The following IRF5 variants were observed in gnomAD, a reference collection of about 807,000 sequenced individuals.
IRF5 encodes interferon regulatory factor 5.
Under a neutral mutation model 55.1 loss-of-function variants are expected in IRF5, and 24 were observed. That is an observed-to-expected ratio of 0.44 (90% CI 0.32 to 0.61). IRF5 has a LOEUF of 0.61. Among genes scored for constraint, IRF5 ranks in the 20% least tolerant of loss-of-function variants. IRF5 has a pLI of 0.07. For synonymous variants in IRF5, 258 were observed against 260.2 expected (o/e 0.99, Z 0.08); for missense variants, 499 against 658.5 (o/e 0.76, Z 2.65).
rs1315699521 is a variant in IRF5 at position 128,949,408 on chromosome 7, TTAC to T, written c.*597_*599del. The T allele has an allele frequency of 6.6e-6, 1 of 152,376 alleles. No homozygotes were observed. 9.4% of individuals were successfully genotyped at this position (152,376 alleles called of 1,614,324 possible). On this transcript the variant is annotated 3_prime_UTR_variant, in exon 9 of 9. Transcript: ENST00000357234. Reference sequence around the variant, plus strand: ...AACAGACTCAGCTGTTTCTTTCCTTTTACTACTACCAGTTGCTCCCATGCTGCT... The same window carrying T: ...AACAGACTCAGCTGTTTCTTTCCTTTTACTACCAGTTGCTCCCATGCTGCT...
intron 2 of IRF5, among the ~76,000 whole-genome samples, chr7:128,945,550 T>C (rs1796253064): frequency 2.6e-5 from 4 of 152,178 alleles, no homozygotes; most frequent in Admixed American, 2.6e-4. Context: ...TCCAGGGTGC[T>C]CACCCTTATC....
chr7:128,946,616 C>G lies in IRF5; in HGVS notation c.447+54C>G. ...GCCCTGGACGAGCTCTCTGCTGTCC[C>G]CATCGGCCTTAGGTTTCCGCAGCCC... On this transcript the variant is annotated intron_variant, in intron 4 of 8. Transcript: ENST00000357234. The surrounding 1 kb of genome is among the most constrained non-coding windows in gnomAD (Gnocchi z 4.2). The G allele has an allele frequency of 8.0e-7, 1 of 1,254,276 alleles. No homozygotes were observed. The highest frequency in any genetic ancestry group is 1.1e-6 in the Non-Finnish European group (1 of 877,154). The allele number at this position is 1,254,276 out of a possible 1,614,324, so 77.7% of individuals were successfully genotyped here. A position where few individuals can be genotyped will look rare whatever the true frequency, so the allele number is the denominator to read the frequency against.
chr7:128,945,746 G>A (rs1301229572), intron 2 of IRF5, 99 bp from the exon 3 acceptor site: 3 of 1,216,800 alleles, frequency 2.5e-6, no homozygotes, highest in South Asian at 1.5e-5. Context: ...TGTAGCCGAA[G>A]TTCTCCCCAC....
chr7:128,940,626 G>T (rs3807306), intron 1 of IRF5: 65,876 of 153,516 alleles, frequency 0.43, 14,830 homozygotes, highest in Middle Eastern at 0.52. Context: ...GAGTTGTCCC[G>T]GTCTAGCCAC....
Position 128,947,288 on chromosome 7 carries a change from G to C in IRF5, c.540G>C (p.Lys180Asn), listed in dbSNP as rs370799034. ...ATTCTTTACTCAAAGAGGATGTCAA[G>C]TGGCCGCCCACTCTGCAGCCGCCCA... Reference protein sequence around the residue: ...TPYSLLKEDVKWPPTLQPPTL... With the variant: ...TPYSLLKEDVNWPPTLQPPTL... The change falls in exon 6 of 9, where the codon AAG (lysine) becomes AAC (asparagine). Residue 180 changes from lysine to asparagine, a missense_variant. This residue lies in a region of IRF5 where 305 missense variants were observed against 340.2 expected (regional missense o/e 0.90). Transcript: ENST00000357234. The surrounding 1 kb of genome is among the most constrained non-coding windows in gnomAD (Gnocchi z 6.5). 4.2e-5 allele frequency: 67 copies of C among 1,609,830 alleles called. No homozygotes were observed. In the Admixed American group the frequency reaches 9.4e-4, roughly 23 times the overall value.
At chr7:128,942,345 C>G in intron 2 of IRF5, 69 bp downstream of exon 2, 1 of 1,411,898 alleles carries the variant, frequency 7.1e-7, no homozygotes, top group Non-Finnish European at 9.6e-7. Flanking sequence ...GCGCACATAA[C>G]GCACACAGGC....
Position 128,948,401 on chromosome 7 carries a change from G to T in IRF5, c.1299+73G>T. On this transcript the variant is annotated intron_variant, in intron 8 of 8. Transcript: ENST00000357234. The surrounding 1 kb of genome is among the most constrained non-coding windows in gnomAD (Gnocchi z 4.6). ...ATCCTGGGGCTAGGCCCTTGCCCCA[G>T]GCTGGAGGCTCAGGGCTCCCTGAGC... 6 of 1,475,120 alleles carry T rather than the reference G, an allele frequency of 4.1e-6. No homozygotes were observed. Among genetic ancestry groups the T allele is most frequent in the Non-Finnish European group, 5.5e-6 (6 of 1,087,780 alleles). The allele number at this position is 1,475,120 out of a possible 1,614,324, so 91.4% of individuals were successfully genotyped here. A position where few individuals can be genotyped will look rare whatever the true frequency, so the allele number is the denominator to read the frequency against.
intron 2 of IRF5, chr7:128,943,023 ATTTTTTTTTTTTTTTTTTT>A (rs34539872): frequency 2.3e-5 from 2 of 86,902 alleles, no homozygotes; most frequent in Non-Finnish European, 4.4e-5. Context: ...CCAGATTCCA[ATTTTTTTTTTTTTTTTTTT>A]TTTTTTTTTG....
rs200812729 is a variant in IRF5 at position 128,946,600 on chromosome 7, G to A, written c.447+38G>A. Reference sequence around the variant, plus strand: ...TGAGGAGGCAGGTGGAGCCCTGGACGAGCTCTCTGCTGTCCCCATCGGCCT... The same window carrying A: ...TGAGGAGGCAGGTGGAGCCCTGGACAAGCTCTCTGCTGTCCCCATCGGCCT... On this transcript the variant is annotated intron_variant, in intron 4 of 8. Transcript: ENST00000357234. This position sits in a 1 kb window ranked among gnomAD's most constrained non-coding sequence, Gnocchi z 4.2. 14 of 1,394,786 alleles carry A rather than the reference G, an allele frequency of 1.0e-5. No homozygotes were observed. Among genetic ancestry groups the A allele is most frequent in the African/African-American group, 2.8e-5 (2 of 70,970 alleles). 86.4% of individuals were successfully genotyped at this position (1,394,786 alleles called of 1,614,324 possible).
chr7:128,945,727 G>A lies in IRF5; in HGVS notation c.196-118G>A, dbSNP rs1585302083. On this transcript the variant is annotated intron_variant, in intron 2 of 8. Transcript: ENST00000357234. ...GCAAACCAGGTCTGGGGCTCAGCGA[G>A]GCTCAGCCTGTAGCCGAAGTTCTCC... The A allele has an allele frequency of 1.5e-5, 15 of 979,626 alleles. No homozygotes were observed. In the East Asian group the frequency reaches 3.9e-4, roughly 25 times the overall value. 60.7% of individuals were successfully genotyped at this position (979,626 alleles called of 1,614,324 possible). A position where few individuals can be genotyped will look rare whatever the true frequency, so the allele number is the denominator to read the frequency against.
At chr7:128,945,532 A>G (rs1294674156) in intron 2 of IRF5, among the ~76,000 whole-genome samples, 1 of 152,208 alleles carries the variant, frequency 6.6e-6, no homozygotes, top group Non-Finnish European at 1.5e-5. Flanking sequence ...ATTCAAACCC[A>G]GCCTGGCTCC....
chr7:128,940,338 C>G (rs960035611), intron 1 of IRF5: 2 of 152,302 alleles, frequency 1.3e-5, no homozygotes, highest in Non-Finnish European at 2.9e-5. Flanking sequence ...GGAAGCTCTC[C>G]CCGATTCTGT....
rs755876932 is a variant in IRF5 at position 128,946,576 on chromosome 7, G to A, written c.447+14G>A. Reference sequence around the variant, plus strand: ...GAAGAGGAAGAGGTGAGTGTGGGTTGAGGAGGCAGGTGGAGCCCTGGACGA... The same window carrying A: ...GAAGAGGAAGAGGTGAGTGTGGGTTAAGGAGGCAGGTGGAGCCCTGGACGA... On this transcript the variant is annotated intron_variant, in intron 4 of 8. Coordinates refer to ENST00000357234, the MANE Select transcript of IRF5 (RefSeq NM_001098629.3). This position sits in a 1 kb window ranked among gnomAD's most constrained non-coding sequence, Gnocchi z 4.2. 180 of 1,560,048 alleles carry A rather than the reference G, an allele frequency of 1.2e-4. No individual in the cohort carries two copies. The highest frequency in any genetic ancestry group is 1.5e-4 in the Non-Finnish European group (174 of 1,140,336).
At chr7:128,944,894 C>T (rs756316876) in intron 2 of IRF5, among the ~76,000 whole-genome samples, 5 of 152,212 alleles carry the variant, frequency 3.3e-5, no homozygotes, top group African/African-American at 4.8e-5. Context: ...CTTTTACACA[C>T]AGCACTGCTG....
rs777397050 is a variant in IRF5 at position 128,945,845 on chromosome 7, G to T, written c.196G>T (p.Ala66Ser). ...GGTCGGCTATTTCTTCCTGCCCCAG[G>T]CCTGGGCCAAGGAGACAGGGAAATA... ...SQDGDNTIFKAWAKETGKYTE... is the reference protein window; with the variant it reads ...SQDGDNTIFKSWAKETGKYTE... Residue 66 changes from alanine to serine, a missense_variant and splice_region_variant, in exon 3 of 9, where the codon GCC (alanine) becomes TCC (serine). Transcript: ENST00000357234. 1 of 1,606,992 alleles carries T rather than the reference G, an allele frequency of 6.2e-7. No individual in the cohort carries two copies. Among genetic ancestry groups the T allele is most frequent in the Non-Finnish European group, 8.5e-7 (1 of 1,178,178 alleles).
At chr7:128,942,351 C>CAG in intron 2 of IRF5, 75 bp downstream of exon 2, 3 of 1,375,538 alleles carry the variant, frequency 2.2e-6, no homozygotes, top group Non-Finnish European at 9.9e-7. Flanking sequence ...ATAACGCACA[C>CAG]AGGCAGCTCC....
In IRF5 at chr7:128,942,171, C is replaced by T; in HGVS notation, c.90C>T (p.Tyr30=). Residue 30 remains tyrosine, a synonymous_variant, in exon 2 of 9, where the codon TAC becomes TAT. Coordinates refer to ENST00000357234, the MANE Select transcript of IRF5 (RefSeq NM_001098629.3). ...TGGCCCAGGTGAACAGCTGCCAGTA[C>T]CCAGGGCTTCAATGGGTCAACGGGG... is the stretch of plus-strand genomic sequence containing the variant. ...WLVAQVNSCQ[Y]PGLQWVNGEK... The T allele has an allele frequency of 6.2e-7, 1 of 1,613,908 alleles. No homozygotes were observed. The highest frequency in any genetic ancestry group is 1.1e-5 in the South Asian group (1 of 91,072).
chr7:128,948,015 C>G lies in IRF5; in HGVS notation c.1074C>G (p.Cys358Trp). The change falls in exon 7 of 9, where the codon TGC becomes TGG. Residue 358 changes from cysteine (C) to tryptophan (W), a missense_variant. Physicochemically the swap from Cys to Trp is radical, Grantham distance 215. Transcript: ENST00000357234. This position sits in a 1 kb window ranked among gnomAD's most constrained non-coding sequence, Gnocchi z 4.6. Reference protein sequence around the residue: ...QDLYAIRLCQCKVFWSGPCAS... With the variant: ...QDLYAIRLCQWKVFWSGPCAS... The stretch of plus-strand genomic sequence containing the variant: ...TTTATGCCATCCGCCTGTGTCAGTG[C>G]AAGGTGTTCTGGAGCGGGCCTTGTG... 6.2e-7 allele frequency: 1 copy of G among 1,614,210 alleles called. No homozygotes were observed. Among genetic ancestry groups the G allele is most frequent in the Non-Finnish European group, 8.5e-7 (1 of 1,180,036 alleles).
rs1429430990 is a variant in IRF5, at chr7:128,949,938, T to A, written c.*1120T>A. 6.6e-6 allele frequency: 1 copy of A among 152,170 alleles called. No individual in the cohort carries two copies. Among genetic ancestry groups the A allele is most frequent in the Non-Finnish European group, 1.5e-5 (1 of 68,022 alleles). The allele number at this position is 152,170 out of a possible 1,614,324, so 9.4% of individuals were successfully genotyped here. On this transcript the variant is annotated 3_prime_UTR_variant, in exon 9 of 9. Coordinates refer to ENST00000357234, the MANE Select transcript of IRF5 (RefSeq NM_001098629.3). Reference sequence around the variant, plus strand: ...CAGCCCACTTTCTGCCTTCAGCCATTGAGTGGAAGCTGCCCCAGGCCCTTA... The same window carrying A: ...CAGCCCACTTTCTGCCTTCAGCCATAGAGTGGAAGCTGCCCCAGGCCCTTA...
Sources: gnomAD v4.1 joint callset for allele counts (sites outside exome capture counted in the v4.1 genomes callset) on GRCh38, gnomAD v4.1.1 for gene constraint, gnomAD v4.1.1 regional missense constraint, Gnocchi (gnomAD v3.1) non-coding constraint, MANE v1.5 for transcripts, NCBI Gene and HGNC (gene_info 2026-07-23, HGNC 2026-07-21) for gene names.